Variants in BBS1 observed in about 807,000 individuals in gnomAD.
BBS1 encodes Bardet-Biedl syndrome 1, also known as BBSome complex member BBS1.
BBS1 carries 60 observed loss-of-function variants against 73.9 expected under a neutral mutation model. That is an observed-to-expected ratio of 0.81 (90% CI 0.66 to 1.01). The LOEUF (loss-of-function observed/expected upper bound fraction) is 1.01. Ranked by LOEUF, BBS1 falls within the 50% of genes least tolerant of loss-of-function variation. The probability of loss-of-function intolerance (pLI) is 0.00; values close to 1 mark genes in which losing one functional copy is unlikely to be tolerated. For synonymous variants in BBS1, 283 were observed against 317.4 expected (o/e 0.89, Z 1.15); for missense variants, 718 against 770.3 (o/e 0.93, Z 0.80).
At chr11:66,523,333 G>T in intron 9 of BBS1, 123 bp from the exon 10 acceptor site, 1 of 1,358,262 alleles carries the variant, frequency 7.4e-7, no homozygotes, top group East Asian at 2.3e-5. Flanking sequence ...ATAATCCCAG[G>T]GTCATCTGCT....
At chr11:66,515,834 G>A in intron 6 of BBS1, 27 bp from the exon 7 acceptor site, 1 of 1,614,200 alleles carries the variant, frequency 6.2e-7, no homozygotes, top group African/African-American at 1.3e-5. Flanking sequence ...GCCGGGGCCT[G>A]CAGATGCCAG....
chr11:66,510,650 G>T lies in BBS1; in HGVS notation c.-10G>T, dbSNP rs769452484. On this transcript the variant is annotated 5_prime_UTR_variant, in exon 1 of 17. Coordinates refer to ENST00000318312, the MANE Select transcript of BBS1 (RefSeq NM_024649.5). Reference sequence around the variant, plus strand: ...GGGCGGGGCCGGTTGCCAGGACGACGCCTGCGAAGATGGCCGCTGCGTCCT... The same window carrying T: ...GGGCGGGGCCGGTTGCCAGGACGACTCCTGCGAAGATGGCCGCTGCGTCCT... The T allele has an allele frequency of 6.2e-7, 1 of 1,614,120 alleles. No homozygotes were observed. The highest frequency in any genetic ancestry group is 8.5e-7 in the Non-Finnish European group (1 of 1,180,014).
At chr11:66,510,766 C>A (rs974067517) in intron 1 of BBS1, 60 bp downstream of exon 1, 6 of 1,606,556 alleles carry the variant, frequency 3.7e-6, no homozygotes, top group African/African-American at 1.3e-5. Context: ...TCCCTTGGTC[C>A]CCGGGCTCTG....
chr11:66,520,997 G>T, intron 8 of BBS1: 1 of 470,444 alleles, frequency 2.1e-6, no homozygotes, highest in Middle Eastern at 4.5e-4. Context: ...GGGATTACAG[G>T]TGTGGGCCAC....
chr11:66,519,511 C>T, intron 7 of BBS1, 106 bp from the exon 8 acceptor site: 1 of 1,493,630 alleles, frequency 6.7e-7, no homozygotes. Flanking sequence ...CTGATATTTC[C>T]TCTTCATCCT....
At chr11:66,516,610 G>A (rs972305990) in intron 7 of BBS1, among the ~76,000 whole-genome samples, 1 of 152,122 alleles carries the variant, frequency 6.6e-6, no homozygotes, top group Non-Finnish European at 1.5e-5. Flanking sequence ...GAGTGCAGTG[G>A]TGTGATCGTG....
intron 15 of BBS1, 33 bp from the exon 16 acceptor site, chr11:66,531,623 C>T (rs1311337114): frequency 6.2e-7 from 1 of 1,613,936 alleles, no homozygotes; most frequent in South Asian, 1.1e-5. Context: ...GGCACGAGGG[C>T]TGGTTTCCTT....
chr11:66,512,010 A>ATATGTG lies in BBS1; in HGVS notation c.159+774_159+775insGTGTAT, dbSNP rs1565280674. ...GAGACAGTTTCAAAAAAAAATATAT[A>ATATGTG]TATATATATGTGTATATATATGTAT... On this transcript the variant is annotated intron_variant, in intron 3 of 16. Coordinates refer to ENST00000318312, the MANE Select transcript of BBS1 (RefSeq NM_024649.5). Among the ~76,000 whole-genome samples, 257 of 142,988 alleles carry ATATGTG rather than the reference A, an allele frequency of 1.8e-3. 1 individual carries two copies. The highest frequency in any genetic ancestry group is 6.7e-3 in the African/African-American group (248 of 36,798). 93.8% of individuals were successfully genotyped at this position (142,988 alleles called of 152,430 possible).
intron 8 of BBS1, 113 bp downstream of exon 8, chr11:66,519,861 T>C: frequency 7.2e-7 from 1 of 1,382,596 alleles, no homozygotes; most frequent in Admixed American, 2.0e-5. Flanking sequence ...AATTAGAAAC[T>C]AGATAAGCAT....
At chr11:66,526,540 GATGTGT>G in intron 12 of BBS1, 103 bp from the exon 13 acceptor site, 3 of 1,379,412 alleles carry the variant, frequency 2.2e-6, no homozygotes, top group Non-Finnish European at 3.1e-6. Context: ...CTGGAAGACG[GATGTGT>G]ACAGAAGCAA....
intron 1 of BBS1, 37 bp from the exon 2 acceptor site, chr11:66,510,975 TG>T: frequency 1.9e-6 from 3 of 1,608,968 alleles, no homozygotes; most frequent in Non-Finnish European, 2.6e-6. Context: ...TCCCCTCCCA[TG>T]GGACTCACTC....
chr11:66,523,204 C>A (rs575770354), intron 9 of BBS1: 1 of 616,892 alleles, frequency 1.6e-6, no homozygotes, highest in Non-Finnish European at 3.0e-6. Flanking sequence ...TGAAGGTGGG[C>A]GGAAGACAAG....
chr11:66,530,443 G>T (rs1047021667), intron 14 of BBS1, among the ~76,000 whole-genome samples: 1 of 152,044 alleles, frequency 6.6e-6, no homozygotes, highest in Admixed American at 6.6e-5. Flanking sequence ...AGCAGGGCTC[G>T]GACCAGCCCT....
intron 14 of BBS1, 132 bp from the exon 15 acceptor site, chr11:66,530,762 G>T (rs1856742947): frequency 1.5e-6 from 2 of 1,331,594 alleles, no homozygotes; most frequent in Non-Finnish European, 2.2e-6. Context: ...CTGGTCTTCT[G>T]TGTCTGCTGG....
At chr11:66,519,510 C>T (rs1456222929) in intron 7 of BBS1, 107 bp from the exon 8 acceptor site, 1 of 1,485,308 alleles carries the variant, frequency 6.7e-7, no homozygotes, top group East Asian at 2.3e-5. Flanking sequence ...TCTGATATTT[C>T]CTCTTCATCC....
chr11:66,530,659 C>T (rs535695989), intron 14 of BBS1, among the ~76,000 whole-genome samples: 2 of 152,216 alleles, frequency 1.3e-5, no homozygotes, highest in East Asian at 1.9e-4. Flanking sequence ...AGAGTCGGGG[C>T]CTGCAGTCCC....
intron 7 of BBS1, among the ~76,000 whole-genome samples, chr11:66,516,921 C>T (rs1005872200): frequency 2.6e-5 from 4 of 151,938 alleles, no homozygotes; most frequent in Admixed American, 6.6e-5. Context: ...ACATCTTGGC[C>T]GGGCGCGGTG....
intron 13 of BBS1, chr11:66,529,250 T>C (rs1031749951): frequency 2.6e-6 from 4 of 1,514,326 alleles, no homozygotes; most frequent in Non-Finnish European, 3.5e-6. Flanking sequence ...CTGCAAACGG[T>C]GAGATGTGAG....
At position 66,516,273 on chromosome 11, in the gene BBS1, G is replaced by A. The variant is rs1286542604; in HGVS notation, c.591+340G>A. ...CCCAAGTAGCTGGGATTATAGGCAT[G>A]CACCAACACACCCAGCTAATTTTTG... On this transcript the variant is annotated intron_variant, in intron 7 of 16. Coordinates refer to ENST00000318312, the MANE Select transcript of BBS1 (RefSeq NM_024649.5). Among the ~76,000 whole-genome samples, 5 of 151,924 alleles carry A rather than the reference G, an allele frequency of 3.3e-5. No homozygotes were observed. The East Asian group carries it at 5.8e-4, about 18-fold the overall frequency.
Sources: allele counts gnomAD v4.1 joint callset (sites outside exome capture counted in the v4.1 genomes callset), GRCh38; gene constraint gnomAD v4.1.1; transcripts MANE v1.5; gene names NCBI Gene and HGNC (gene_info 2026-07-23, HGNC 2026-07-21).